ZC3H12C: variants seen among roughly 807,000 people sequenced by gnomAD.
ZC3H12C encodes probable ribonuclease ZC3H12C.
In ZC3H12C, 20 loss-of-function variants were observed where a neutral mutation model predicts 76.3. That is an observed-to-expected ratio of 0.26 (90% CI 0.18 to 0.38). ZC3H12C has a LOEUF of 0.38. ZC3H12C is among the 10% of genes least tolerant of loss of function. The probability of loss-of-function intolerance (pLI) is 1.00; values close to 1 mark genes in which losing one functional copy is unlikely to be tolerated. For missense variants in ZC3H12C, 874 were observed against 1,086.5 expected (o/e 0.80, Z 2.75); for synonymous variants, 352 against 399.6 (o/e 0.88, Z 1.42).
intron 3 of ZC3H12C, among the ~76,000 whole-genome samples, chr11:110,154,232 G>T (rs1862331118): frequency 6.6e-6 from 1 of 152,086 alleles, no homozygotes; most frequent in Non-Finnish European, 1.5e-5. Context: ...AATTAGCCAG[G>T]TGTGGTGGCA....
chr11:110,153,219 C>T (rs1163359391), intron 3 of ZC3H12C, among the ~76,000 whole-genome samples, 161 bp downstream of exon 3: 1 of 152,150 alleles, frequency 6.6e-6, no homozygotes, highest in East Asian at 1.9e-4. Context: ...ATAGAGTCTC[C>T]CACTGTCACC....
intron 1 of ZC3H12C, among the ~76,000 whole-genome samples, chr11:110,097,438 G>T (rs1036317784): frequency 1.3e-5 from 2 of 152,124 alleles, no homozygotes; most frequent in Admixed American, 1.3e-4. Context: ...TTTTGCCTGG[G>T]TCACACCTTA....
At chr11:110,153,120 G>A in intron 3 of ZC3H12C, 62 bp downstream of exon 3, 1 of 1,554,260 alleles carries the variant, frequency 6.4e-7, no homozygotes, top group Non-Finnish European at 8.7e-7. Context: ...GCAGGTGTCT[G>A]ACACTGTCAG....
intron 1 of ZC3H12C, among the ~76,000 whole-genome samples, chr11:110,093,758 G>T (rs901224104): frequency 3.7e-4 from 56 of 152,244 alleles, no homozygotes; most frequent in African/African-American, 1.3e-3. Flanking sequence ...CCGCCCGGGG[G>T]CATAGATCGC....
intron 3 of ZC3H12C, among the ~76,000 whole-genome samples, chr11:110,155,023 CA>C (rs1408555525): frequency 2.6e-5 from 4 of 152,116 alleles, no homozygotes; most frequent in Non-Finnish European, 5.9e-5. Context: ...TGCAGTGGCT[CA>C]AGCCTGTAAT....
chr11:110,112,513 G>A (rs1322505335), intron 1 of ZC3H12C, among the ~76,000 whole-genome samples: 1 of 152,178 alleles, frequency 6.6e-6, no homozygotes, highest in Non-Finnish European at 1.5e-5. Context: ...TTGATTTTTG[G>A]TGGAAGAGAT....
chr11:110,159,752 G>A (rs1862444972), intron 4 of ZC3H12C, among the ~76,000 whole-genome samples: 1 of 152,204 alleles, frequency 6.6e-6, no homozygotes, highest in Admixed American at 6.5e-5. Context: ...CTAAGACTAT[G>A]TCTGGAGAAC....
chr11:110,156,948 A>C (rs1862386399), intron 3 of ZC3H12C, among the ~76,000 whole-genome samples: 1 of 152,230 alleles, frequency 6.6e-6, no homozygotes, highest in Admixed American at 6.5e-5. Context: ...TGGGAGGCCC[A>C]GGCGGGCGGA....
chr11:110,155,134 A>G (rs1323501237), intron 3 of ZC3H12C, among the ~76,000 whole-genome samples: 1 of 151,968 alleles, frequency 6.6e-6, no homozygotes, highest in Non-Finnish European at 1.5e-5. Context: ...CTAAAAACAC[A>G]AAAAATTAGC....
In ZC3H12C at chr11:110,167,244, C is replaced by T. The variant is rs1490061190; in HGVS notation, c.*1507C>T. On this transcript the variant is annotated 3_prime_UTR_variant, in exon 6 of 6. Coordinates refer to ENST00000278590, the MANE Select transcript of ZC3H12C (RefSeq NM_033390.2). ...CAGTTTGAAGTGAAGCCCTGAAAAA[C>T]CAGAAAGTACCTTTTACTGTTGATA... 1 of 152,102 alleles carries T rather than the reference C, an allele frequency of 6.6e-6. No homozygotes were observed. The highest frequency in any genetic ancestry group is 1.5e-5 in the Non-Finnish European group (1 of 68,000). The allele number at this position is 152,102 out of a possible 1,614,324, so 9.4% of individuals were successfully genotyped here.
intron 1 of ZC3H12C, among the ~76,000 whole-genome samples, chr11:110,126,221 T>C (rs796414655): frequency 0.032 from 3,631 of 114,850 alleles, 176 homozygotes; most frequent in African/African-American, 0.1. Context: ...TTCTTCTTTT[T>C]TTTTTTTTTT....
chr11:110,123,625 A>T (rs1310816324), intron 1 of ZC3H12C, among the ~76,000 whole-genome samples: 1 of 152,142 alleles, frequency 6.6e-6, no homozygotes, highest in Non-Finnish European at 1.5e-5. Flanking sequence ...TTGTGACTGA[A>T]TTTTTTTCTT....
At chr11:110,155,129 AAC>A (rs1862351936) in intron 3 of ZC3H12C, among the ~76,000 whole-genome samples, 1 of 152,148 alleles carries the variant, frequency 6.6e-6, no homozygotes, top group East Asian at 1.9e-4. Flanking sequence ...CTCCACTAAA[AAC>A]ACAAAAAATT....
rs560957014 is a variant in ZC3H12C at position 110,133,625 on chromosome 11, T to A, written c.22-3038T>A. 2.6e-5 allele frequency among the ~76,000 whole-genome samples: 4 copies of A among 152,316 alleles called. No homozygotes were observed. The South Asian group carries it at 8.3e-4, about 32-fold the overall frequency. ...AAAATTGTGTGCAAATTACATAAAT[T>A]ATCACTTTAAAAATATGTGGTAGTC... On this transcript the variant is annotated intron_variant, in intron 1 of 5. Coordinates refer to ENST00000278590, the MANE Select transcript of ZC3H12C (RefSeq NM_033390.2).
At position 110,171,559 on chromosome 11, in the gene ZC3H12C, C is replaced by A. The variant is rs1369996537; in HGVS notation, c.*5822C>A. The A allele has an allele frequency of 6.6e-6, 1 of 152,118 alleles. No individual in the cohort carries two copies. The highest frequency in any genetic ancestry group is 1.5e-5 in the Non-Finnish European group (1 of 68,018). 9.4% of individuals were successfully genotyped at this position (152,118 alleles called of 1,614,324 possible). On this transcript the variant is annotated 3_prime_UTR_variant, in exon 6 of 6. Coordinates refer to ENST00000278590, the MANE Select transcript of ZC3H12C (RefSeq NM_033390.2). ...ACGGTATTTTAGACCTACTGGAAATCTGTATCGAAACAGCTATGTGATTCT... is the reference window on the plus strand; with the variant it reads ...ACGGTATTTTAGACCTACTGGAAATATGTATCGAAACAGCTATGTGATTCT...
intron 1 of ZC3H12C, among the ~76,000 whole-genome samples, chr11:110,115,748 C>CTTTTTTTTTTTTTTTTTTTTT: frequency 8.3e-6 from 1 of 120,320 alleles, no homozygotes; most frequent in Non-Finnish European, 1.7e-5. Context: ...TTCTCATTTT[C>CTTTTTTTTTTTTTTTTTTTTT]TTTTTTTTTT....
intron 1 of ZC3H12C, among the ~76,000 whole-genome samples, chr11:110,130,715 A>C (rs1200677742): frequency 6.6e-6 from 1 of 152,260 alleles, no homozygotes; most frequent in African/African-American, 2.4e-5. Flanking sequence ...TCTTGTTGGC[A>C]GCCTGCTCTC....
intron 5 of ZC3H12C, among the ~76,000 whole-genome samples, chr11:110,163,683 T>G (rs543618541): frequency 2.5e-4 from 38 of 152,330 alleles, no homozygotes; most frequent in Non-Finnish European, 4.9e-4. Flanking sequence ...CAGATGAGCA[T>G]GGTTCTATCG....
chr11:110,168,277 G>T lies in ZC3H12C; in HGVS notation c.*2540G>T, dbSNP rs1862615372. ...TAAATCCTTCAGTGTAATTAATTAT[G>T]AGTTTAAAAATAGCAGTTTTCTTAT... On this transcript the variant is annotated 3_prime_UTR_variant, in exon 6 of 6. Transcript: ENST00000278590. The T allele has an allele frequency of 6.6e-6, 1 of 152,116 alleles. No homozygotes were observed. The highest frequency in any genetic ancestry group is 2.4e-5 in the African/African-American group (1 of 41,436). 9.4% of individuals were successfully genotyped at this position (152,116 alleles called of 1,614,324 possible).
Sources: allele counts gnomAD v4.1 joint callset (sites outside exome capture counted in the v4.1 genomes callset), GRCh38; gene constraint gnomAD v4.1.1; transcripts MANE v1.5; gene names NCBI Gene and HGNC (gene_info 2026-07-23, HGNC 2026-07-21).